The following PRORP variants were observed in gnomAD, a reference collection of about 807,000 sequenced individuals.
PRORP encodes the protein protein only RNase P catalytic subunit, also known as mitochondrial ribonuclease P catalytic subunit.
In PRORP, 51 loss-of-function variants were observed where a neutral mutation model predicts 59.4. That is an observed-to-expected ratio of 0.86 (90% CI 0.69 to 1.08). The LOEUF is 1.08. Ranked by LOEUF, PRORP falls within the 50% of genes least tolerant of loss-of-function variation. The pLI is 0.00. For missense variants in PRORP, 646 were observed against 690.3 expected (o/e 0.94, Z 0.72); for synonymous variants, 231 against 245.6 (o/e 0.94, Z 0.55).
intron 4 of PRORP, among the ~76,000 whole-genome samples, chr14:35,164,353 C>A (rs1047547875): frequency 1.8e-4 from 28 of 152,274 alleles, no homozygotes; most frequent in Middle Eastern, 3.4e-3. Flanking sequence ...TGCATTGCTG[C>A]GCTACTCACA....
Position 35,123,992 on chromosome 14 carries a change from CTG to C in PRORP, c.749_750del (p.Cys250TyrfsTer24). On this transcript the variant is annotated frameshift_variant, in exon 2 of 8. Coordinates refer to ENST00000534898, the MANE Select transcript of PRORP (RefSeq NM_014672.4). LOFTEE classifies it high-confidence loss of function. ...ITPSKKNYNDCIQGALLHQDV... is the reference protein window; with the variant it reads ...ITPSKKNYNDXIQGALLHQDV... Reference sequence around the variant, plus strand: ...CTCCTTCAAAAAAGAACTATAATGACTGTATCCAGGGAGCTCTCCTTCATCAA... The same window carrying C: ...CTCCTTCAAAAAAGAACTATAATGACTATCCAGGGAGCTCTCCTTCATCAA... The C allele has an allele frequency of 1.9e-6, 3 of 1,614,104 alleles. No individual in the cohort carries two copies. The highest frequency in any genetic ancestry group is 2.5e-6 in the Non-Finnish European group (3 of 1,180,004).
At chr14:35,153,441 C>T (rs933189237) in intron 4 of PRORP, among the ~76,000 whole-genome samples, 10 of 152,152 alleles carry the variant, frequency 6.6e-5, no homozygotes, top group African/African-American at 2.4e-4. Flanking sequence ...GACAATCCTA[C>T]AAGGAAGGCA....
At chr14:35,127,442 A>C (rs1487895848) in intron 3 of PRORP, 37 bp from the exon 4 acceptor site, 1 of 1,426,722 alleles carries the variant, frequency 7.0e-7, no homozygotes, top group Admixed American at 3.0e-5. Flanking sequence ...ATTATTCGAC[A>C]TATTTAAATA....
At chr14:35,141,797 G>A (rs1381864119) in intron 4 of PRORP, among the ~76,000 whole-genome samples, 2 of 144,494 alleles carry the variant, frequency 1.4e-5, no homozygotes, top group African/African-American at 4.9e-5. Flanking sequence ...GCTCACTGCA[G>A]CTGAGACCTC....
chr14:35,230,836 A>G (rs2050058831), intron 5 of PRORP, among the ~76,000 whole-genome samples: 1 of 152,178 alleles, frequency 6.6e-6, no homozygotes, highest in South Asian at 2.1e-4. Flanking sequence ...AAGACATGCA[A>G]GAAGCCTGTT....
intron 5 of PRORP, among the ~76,000 whole-genome samples, chr14:35,218,614 C>T (rs1217278954): frequency 6.7e-6 from 1 of 149,458 alleles, no homozygotes; most frequent in Non-Finnish European, 1.5e-5. Context: ...GCAACTTCCG[C>T]CTCCTGAGTT....
chr14:35,209,796 A>C (rs2049391663), intron 5 of PRORP, among the ~76,000 whole-genome samples: 1 of 152,126 alleles, frequency 6.6e-6, no homozygotes, highest in African/African-American at 2.4e-5. Context: ...TCGGCCTCCC[A>C]AAGTGCTGGG....
At chr14:35,125,620 C>T (rs2047077929) in intron 2 of PRORP, among the ~76,000 whole-genome samples, 2 of 152,060 alleles carry the variant, frequency 1.3e-5, no homozygotes, top group African/African-American at 2.4e-5. Context: ...AGCTTTGAAG[C>T]AGTAATTATG....
At chr14:35,130,166 G>T (rs1175365713) in intron 4 of PRORP, among the ~76,000 whole-genome samples, 3 of 151,858 alleles carry the variant, frequency 2.0e-5, no homozygotes, top group Admixed American at 2.0e-4. Context: ...GAGTAGCTGG[G>T]ACTACAGGTG....
chr14:35,159,682 A>G (rs535601216), intron 4 of PRORP, among the ~76,000 whole-genome samples: 8 of 152,304 alleles, frequency 5.3e-5, no homozygotes, highest in African/African-American at 1.4e-4. Flanking sequence ...TTATTATGTC[A>G]TAGCTACCAT....
chr14:35,150,840 T>G (rs1464308858), intron 4 of PRORP, among the ~76,000 whole-genome samples: 6 of 152,162 alleles, frequency 3.9e-5, no homozygotes, highest in African/African-American at 1.2e-4. Flanking sequence ...GAAAGTTTTG[T>G]GTGGAGTAGT....
At chr14:35,226,691 C>G (rs1293482279) in intron 5 of PRORP, among the ~76,000 whole-genome samples, 1 of 152,026 alleles carries the variant, frequency 6.6e-6, no homozygotes, top group Non-Finnish European at 1.5e-5. Flanking sequence ...ATTTAATACC[C>G]AATTGAAAAT....
At chr14:35,126,913 A>G (rs1200752035) in intron 3 of PRORP, 131 bp downstream of exon 3, 19 of 688,540 alleles carry the variant, frequency 2.8e-5, no homozygotes, top group Non-Finnish European at 4.7e-5. Context: ...TATCTGAGGA[A>G]AAAAACATAC....
In PRORP at chr14:35,268,238, G is replaced by A. The variant is rs183216735; in HGVS notation, c.1424+1363G>A. On this transcript the variant is annotated intron_variant, in intron 6 of 7. Transcript: ENST00000534898. ...ACACGCCTTGTAGTCCCAGGTACTC[G>A]GGAGGCTGAGGCAGCAGAATCACTT... Among the ~76,000 whole-genome samples, 8 of 151,532 alleles carry A rather than the reference G, an allele frequency of 5.3e-5. No individual in the cohort carries two copies. In the East Asian group the frequency reaches 1.6e-3, roughly 30 times the overall value.
rs538495707 is a variant in PRORP, at chr14:35,225,450, G to A, written c.1276-41277G>A. ...CAACCTCTGCCTCCCAGGTTCAAGC[G>A]ATTCTCCTGCCTCAGCCTCCCGAGT... On this transcript the variant is annotated intron_variant, in intron 5 of 7. Transcript: ENST00000534898. 3.9e-5 allele frequency among the ~76,000 whole-genome samples: 6 copies of A among 151,918 alleles called. No individual in the cohort carries two copies. In the East Asian group the frequency reaches 5.8e-4, roughly 15 times the overall value.
At chr14:35,213,817 C>T (rs2049515226) in intron 5 of PRORP, among the ~76,000 whole-genome samples, 1 of 152,086 alleles carries the variant, frequency 6.6e-6, no homozygotes, top group Non-Finnish European at 1.5e-5. Context: ...GATCACAGAT[C>T]ACTATGACAG....
At chr14:35,130,122 C>T (rs773016877) in intron 4 of PRORP, among the ~76,000 whole-genome samples, 1 of 151,780 alleles carries the variant, frequency 6.6e-6, no homozygotes, top group Non-Finnish European at 1.5e-5. Context: ...CCTCTGCCCC[C>T]CAGGTTCAAG....
intron 5 of PRORP, among the ~76,000 whole-genome samples, chr14:35,190,233 T>A (rs2048849071): frequency 6.6e-6 from 1 of 150,778 alleles, no homozygotes; most frequent in Non-Finnish European, 1.5e-5. Context: ...ACCCTGTCTC[T>A]ATTAAAAATA....
chr14:35,232,400 T>TG (rs2050104854), intron 5 of PRORP, among the ~76,000 whole-genome samples: 1 of 151,832 alleles, frequency 6.6e-6, no homozygotes, highest in Non-Finnish European at 1.5e-5. Flanking sequence ...TTTGTAGAGA[T>TG]GGGGTCTCAC....
Sources: gnomAD v4.1 joint callset for allele counts (sites outside exome capture counted in the v4.1 genomes callset) on GRCh38, gnomAD v4.1.1 for gene constraint, MANE v1.5 for transcripts, NCBI Gene and HGNC (gene_info 2026-07-23, HGNC 2026-07-21) for gene names.